Variants in DCUN1D4 observed in about 807,000 individuals in gnomAD.
DCUN1D4 encodes DCN1-like protein 4.
DCUN1D4 carries 22 observed loss-of-function variants against 47.9 expected under a neutral mutation model. The observed-to-expected ratio is 0.46, with a 90% CI of 0.33 to 0.66. DCUN1D4 has a LOEUF of 0.66. Ranked by LOEUF, DCUN1D4 falls within the 30% of genes least tolerant of loss-of-function variation. The probability of loss-of-function intolerance (pLI) is 0.02; values close to 1 mark genes in which losing one functional copy is unlikely to be tolerated. For synonymous variants in DCUN1D4, 121 were observed against 112.2 expected (o/e 1.08, Z -0.50); for missense variants, 301 against 340.8 (o/e 0.88, Z 0.92).
At chr4:51,909,684 G>A (rs1733415113) in intron 8 of DCUN1D4, among the ~76,000 whole-genome samples, 1 of 152,174 alleles carries the variant, frequency 6.6e-6, no homozygotes, top group Non-Finnish European at 1.5e-5. Context: ...TGTTTGCATA[G>A]AACTGTGGAA....
In DCUN1D4 at chr4:51,882,980, G is replaced by T. The variant is rs557497956; in HGVS notation, c.344-3588G>T. Among the ~76,000 whole-genome samples, 6 of 152,134 alleles carry T rather than the reference G, an allele frequency of 3.9e-5. No homozygotes were observed. The East Asian group carries it at 7.7e-4, about 20-fold the overall frequency. On this transcript the variant is annotated intron_variant, in intron 5 of 10. Transcript: ENST00000334635. The stretch of plus-strand genomic sequence containing the variant: ...CACCCTTAACAAAATAGGAATAGAT[G>T]AATATTTCCTTATCAGAATATTCTT...
chr4:51,891,096 G>C (rs1339493916), intron 6 of DCUN1D4, among the ~76,000 whole-genome samples: 1 of 152,224 alleles, frequency 6.6e-6, no homozygotes, highest in African/African-American at 2.4e-5. Flanking sequence ...TGTATATAGT[G>C]AATTCACAAA....
At position 51,844,281 on chromosome 4, in the gene DCUN1D4, G is replaced by T. The variant is rs1226684773; in HGVS notation, c.25+1014G>T. On this transcript the variant is annotated intron_variant, in intron 1 of 10. Coordinates refer to ENST00000334635, the MANE Select transcript of DCUN1D4 (RefSeq NM_001040402.3). Reference sequence around the variant, plus strand: ...CCTGTCGAGGCAGGGTCCCTTGAAGGGGGGAGTCCAAGCTTCGGGGTGCGG... The same window carrying T: ...CCTGTCGAGGCAGGGTCCCTTGAAGTGGGGAGTCCAAGCTTCGGGGTGCGG... 7 of 967,582 alleles carry T rather than the reference G, an allele frequency of 7.2e-6. No homozygotes were observed. The East Asian group carries it at 4.7e-4, about 65-fold the overall frequency. The allele number at this position is 967,582 out of a possible 1,614,324, so 59.9% of individuals were successfully genotyped here.
chr4:51,887,888 CTTGGTTTTTTTT>C (rs1049022548), intron 6 of DCUN1D4, among the ~76,000 whole-genome samples: 3 of 138,772 alleles, frequency 2.2e-5, no homozygotes, highest in South Asian at 2.3e-4. Flanking sequence ...AGATTTTTAT[CTTGGTTTTTTTT>C]TTGGTTTTTT....
intron 1 of DCUN1D4, 150 bp downstream of exon 1, chr4:51,843,417 G>C: frequency 7.8e-7 from 1 of 1,282,336 alleles, no homozygotes; most frequent in Non-Finnish European, 1.0e-6. Flanking sequence ...CGGGGCCGGG[G>C]CGGGCGGTGA....
At chr4:51,888,684 A>T (rs1340655124) in intron 6 of DCUN1D4, among the ~76,000 whole-genome samples, 1 of 150,094 alleles carries the variant, frequency 6.7e-6, no homozygotes, top group Non-Finnish European at 1.5e-5. Flanking sequence ...ACATCATGCC[A>T]CTGCACTCCA....
chr4:51,858,484 G>A (rs1397711912), intron 1 of DCUN1D4, among the ~76,000 whole-genome samples: 2 of 152,170 alleles, frequency 1.3e-5, no homozygotes, highest in Non-Finnish European at 2.9e-5. Context: ...CCCATGATAA[G>A]TTTTCTTTTG....
At chr4:51,849,984 GTGT>G (rs1459102862) in intron 1 of DCUN1D4, among the ~76,000 whole-genome samples, 1 of 152,028 alleles carries the variant, frequency 6.6e-6, no homozygotes, top group Non-Finnish European at 1.5e-5. Flanking sequence ...CTCATTTTAA[GTGT>G]TGTTGGGTGA....
chr4:51,865,417 C>CTCAGG (rs1352703893), intron 3 of DCUN1D4: 1 of 157,600 alleles, frequency 6.3e-6, no homozygotes, highest in Non-Finnish European at 1.4e-5. Flanking sequence ...TGTACAGACC[C>CTCAGG]TCAGGTCAGG....
Position 51,882,691 on chromosome 4 carries a change from C to T in DCUN1D4, c.344-3877C>T, listed in dbSNP as rs189998040. Among the ~76,000 whole-genome samples the T allele has an allele frequency of 1.6e-4, 25 of 152,144 alleles. No individual in the cohort carries two copies. In the East Asian group the frequency reaches 3.5e-3, roughly 21 times the overall value. On this transcript the variant is annotated intron_variant, in intron 5 of 10. Transcript: ENST00000334635. The stretch of plus-strand genomic sequence containing the variant: ...CTGAGGCAGGAGGATGTCATGAACC[C>T]GGCAGGCAGAGCTTGCAGTGAGCCG...
chr4:51,867,591 A>T (rs1355371233), intron 3 of DCUN1D4, among the ~76,000 whole-genome samples: 1 of 152,004 alleles, frequency 6.6e-6, no homozygotes, highest in Non-Finnish European at 1.5e-5. Context: ...TGGAGAGGAG[A>T]CCTGGAGTGA....
the DCUN1D4 span, among the ~76,000 whole-genome samples, chr4:51,833,961 G>A: frequency 6.6e-6 from 1 of 151,658 alleles, no homozygotes; most frequent in Non-Finnish European, 1.5e-5. Flanking sequence ...GAGTAGAAGG[G>A]GGGAGATTTT....
At chr4:51,880,869 G>A (rs1429697722) in intron 5 of DCUN1D4, among the ~76,000 whole-genome samples, 7 of 152,100 alleles carry the variant, frequency 4.6e-5, no homozygotes, top group Non-Finnish European at 1.0e-4. Context: ...GGTGACTCAC[G>A]CCTGTAATCC....
the DCUN1D4 span, among the ~76,000 whole-genome samples, chr4:51,834,092 T>C: frequency 2.2e-5 from 3 of 137,460 alleles, no homozygotes; most frequent in Admixed American, 7.1e-5. Context: ...CTCTCTTTTC[T>C]TTTCTTCTTT....
chr4:51,860,598 C>T (rs762452434), intron 1 of DCUN1D4: 47 of 455,426 alleles, frequency 1.0e-4, no homozygotes, highest in Admixed American at 8.2e-4. Flanking sequence ...GTCTTACAAT[C>T]GTGGAGGAAG....
intron 1 of DCUN1D4, among the ~76,000 whole-genome samples, chr4:51,852,178 G>T (rs1361705615): frequency 1.3e-5 from 2 of 152,010 alleles, no homozygotes; most frequent in Admixed American, 6.6e-5. Flanking sequence ...TCTCATTTTT[G>T]CTGGTTTGCT....
chr4:51,848,132 C>A (rs1577826806), intron 1 of DCUN1D4: 2 of 1,158,380 alleles, frequency 1.7e-6, no homozygotes, highest in East Asian at 1.2e-4. Flanking sequence ...CAAGCTTTCA[C>A]CTACTCATTC....
chr4:51,843,775 A>G (rs1179936091), intron 1 of DCUN1D4: 1 of 745,604 alleles, frequency 1.3e-6, no homozygotes, highest in Non-Finnish European at 1.5e-6. Context: ...GGCGGGGACA[A>G]TGGGAAGAAG....
intron 7 of DCUN1D4, among the ~76,000 whole-genome samples, chr4:51,893,479 G>T (rs1338342255): frequency 1.3e-5 from 2 of 151,764 alleles, no homozygotes; most frequent in African/African-American, 4.8e-5. Flanking sequence ...AGGCTGGAGT[G>T]CAGTGGCGTG....
Sources: allele counts gnomAD v4.1 joint callset (sites outside exome capture counted in the v4.1 genomes callset), GRCh38; gene constraint gnomAD v4.1.1; transcripts MANE v1.5; gene names NCBI Gene and HGNC (gene_info 2026-07-23, HGNC 2026-07-21).